Variants in COL4A5 observed in about 807,000 individuals in gnomAD.
COL4A5 encodes the protein collagen alpha-5(IV) chain.
COL4A5 carries 26 observed loss-of-function variants against 130.2 expected under a neutral mutation model. The observed-to-expected ratio is 0.20, with a 90% confidence interval of 0.15 to 0.28. The LOEUF is 0.28. COL4A5 is among the 10% of genes least tolerant of loss of function. The pLI, the probability that COL4A5 is intolerant of heterozygous loss-of-function variation, is 1.00. For missense variants in COL4A5, 1,131 were observed against 1,344.3 expected, an observed-to-expected ratio of 0.84 and a Z score of 2.48; for synonymous variants, 496 against 439.6, an observed-to-expected ratio of 1.13 and a Z score of -1.60.
intron 1 of COL4A5, among the ~76,000 whole-genome samples, chrX:108,500,376 G>C (rs1324557793): frequency 2.7e-5 from 3 of 111,835 alleles, no homozygotes; most frequent in Non-Finnish European, 5.6e-5. Context: ...TTCTTCAAAA[G>C]TCTTAAAATA....
At chrX:108,679,086 C>T (rs1378057468) in intron 44 of COL4A5, among the ~76,000 whole-genome samples, 3 of 111,963 alleles carry the variant, frequency 2.7e-5, no homozygotes, top group Non-Finnish European at 5.6e-5. Context: ...TCAGGCTAAC[C>T]GATAAGGAGG....
chrX:108,577,720 G>T (rs1342024841), intron 10 of COL4A5, among the ~76,000 whole-genome samples: 1 of 110,718 alleles, frequency 9.0e-6, no homozygotes, highest in Non-Finnish European at 1.9e-5. Flanking sequence ...CTCTACCTCT[G>T]CCCATCCCAG....
intron 1 of COL4A5, among the ~76,000 whole-genome samples, chrX:108,493,909 G>A (rs905515948): frequency 1.8e-5 from 2 of 110,207 alleles, no homozygotes; most frequent in Non-Finnish European, 3.8e-5. Context: ...TATTTTGCTC[G>A]GAAAGGGTCA....
chrX:108,584,546 C>A lies in COL4A5; in HGVS notation c.1032+21C>A, dbSNP rs774453620. 15 of 1,159,638 alleles carry A rather than the reference C, an allele frequency of 1.3e-5. No homozygotes were observed. In the African/African-American group the frequency reaches 2.2e-4, roughly 17 times the overall value. On this transcript the variant is annotated intron_variant, in intron 18 of 52. Transcript: ENST00000328300. ...GACTTGTAAGTTTTTTTTTTTTAGTCTTCGTTTATCAAATTTATTAATGCA... is the reference window on the plus strand; with the variant it reads ...GACTTGTAAGTTTTTTTTTTTTAGTATTCGTTTATCAAATTTATTAATGCA...
chrX:108,622,866 A>G, intron 33 of COL4A5, 41 bp downstream of exon 33: 1 of 1,150,038 alleles, frequency 8.7e-7, no homozygotes, highest in African/African-American at 1.9e-5. Context: ...TTCCTGATAT[A>G]TCTGAAGTTT....
At chrX:108,639,373 A>G (rs1330918800) in intron 36 of COL4A5, among the ~76,000 whole-genome samples, 1 of 111,527 alleles carries the variant, frequency 9.0e-6, no homozygotes, top group Non-Finnish European at 1.9e-5. Flanking sequence ...CATATATAAA[A>G]TTAATTCAAA....
chrX:108,485,259 T>C (rs192301270), intron 1 of COL4A5, among the ~76,000 whole-genome samples: 98 of 112,221 alleles, frequency 8.7e-4, no homozygotes, highest in African/African-American at 3.0e-3. Flanking sequence ...AGGCCTGGAA[T>C]TGAGGACCCC....
At chrX:108,539,282 G>A (rs2065500887) in intron 1 of COL4A5, among the ~76,000 whole-genome samples, 1 of 111,871 alleles carries the variant, frequency 8.9e-6, no homozygotes, top group African/African-American at 3.2e-5. Context: ...TTTAGATTGT[G>A]CATACTGTCA....
intron 36 of COL4A5, among the ~76,000 whole-genome samples, chrX:108,628,523 G>A (rs1436550452): frequency 9.0e-6 from 1 of 111,076 alleles, no homozygotes; most frequent in African/African-American, 3.3e-5. Context: ...ATTACAAGTG[G>A]GGTTTCAGAT....
chrX:108,473,444 A>G (rs928921989), intron 1 of COL4A5, among the ~76,000 whole-genome samples: 4 of 107,255 alleles, frequency 3.7e-5, no homozygotes, highest in Admixed American at 2.0e-4. Context: ...GTGGAGGTAG[A>G]AGACAGTGAT....
At chrX:108,628,370 C>T (rs1029969230) in intron 36 of COL4A5, among the ~76,000 whole-genome samples, 31 of 111,200 alleles carry the variant, frequency 2.8e-4, no homozygotes, top group African/African-American at 7.1e-4. Context: ...AATTAAGTAA[C>T]TCTACACCTT....
At chrX:108,666,428 G>T (rs1344743658) in intron 38 of COL4A5, 68 bp from the exon 39 acceptor site, 2 of 760,150 alleles carry the variant, frequency 2.6e-6, no homozygotes, top group East Asian at 6.9e-5. Context: ...AAAGAAGGGA[G>T]CATATGGAAG....
chrX:108,545,484 A>G (rs187080100), intron 2 of COL4A5, among the ~76,000 whole-genome samples: 1,645 of 110,756 alleles, frequency 0.015, 25 homozygotes, highest in African/African-American at 0.051. Context: ...AGTTTGTTAT[A>G]ATTTCTGTTC....
intron 36 of COL4A5, among the ~76,000 whole-genome samples, chrX:108,649,765 G>A (rs1372150235): frequency 2.7e-5 from 3 of 111,758 alleles, no homozygotes; most frequent in Non-Finnish European, 5.6e-5. Flanking sequence ...ACTCAAGACG[G>A]ATTAAGGACT....
intron 36 of COL4A5, among the ~76,000 whole-genome samples, chrX:108,647,404 A>C (rs1170244429): frequency 9.0e-6 from 1 of 111,309 alleles, no homozygotes; most frequent in Non-Finnish European, 1.9e-5. Context: ...GTGTATAAGA[A>C]TGCTTGTGAT....
At chrX:108,470,736 T>C (rs2064759355) in intron 1 of COL4A5, among the ~76,000 whole-genome samples, 1 of 111,506 alleles carries the variant, frequency 9.0e-6, no homozygotes, top group South Asian at 3.8e-4. Context: ...ATGTCCAGGA[T>C]GGTGGTTCCT....
chrX:108,641,492 A>C (rs1320165590), intron 36 of COL4A5, among the ~76,000 whole-genome samples: 1 of 111,855 alleles, frequency 8.9e-6, no homozygotes, highest in East Asian at 2.8e-4. Flanking sequence ...CAGTAATCAC[A>C]AGAGGATGCA....
chrX:108,472,442 A>G (rs932143116), intron 1 of COL4A5, among the ~76,000 whole-genome samples: 1 of 112,172 alleles, frequency 8.9e-6, no homozygotes, highest in Non-Finnish European at 1.9e-5. Context: ...TCCAACAATC[A>G]TTATAGAACT....
At chrX:108,548,296 A>G (rs2065697097) in intron 2 of COL4A5, among the ~76,000 whole-genome samples, 1 of 112,557 alleles carries the variant, frequency 8.9e-6, no homozygotes, top group Non-Finnish European at 1.9e-5. Context: ...TTTATATTTG[A>G]AAAGCAGAAT....
Sources: gnomAD v4.1 joint callset for allele counts (sites outside exome capture counted in the v4.1 genomes callset) on GRCh38, gnomAD v4.1.1 for gene constraint, MANE v1.5 for transcripts, NCBI Gene and HGNC (gene_info 2026-07-23, HGNC 2026-07-21) for gene names.